ABCC11: variants seen among roughly 807,000 people sequenced by gnomAD.
The protein encoded by ABCC11 is ATP-binding cassette sub-family C member 11.
ABCC11 carries 135 observed loss-of-function variants against 149.3 expected under a neutral mutation model. The observed-to-expected ratio is 0.90, with a 90% CI of 0.79 to 1.04. ABCC11 has a LOEUF of 1.04. Among genes scored for constraint, ABCC11 ranks in the 50% least tolerant of loss-of-function variants. The pLI is 0.00. For missense variants in ABCC11, 1,680 were observed against 1,722.1 expected, an observed-to-expected ratio of 0.98 and a Z score of 0.43; for synonymous variants, 665 against 671.4, an observed-to-expected ratio of 0.99 and a Z score of 0.15.
chr16:48,215,050 A>G, intron 8 of ABCC11, 21 bp from the exon 9 acceptor site: 2 of 1,611,898 alleles, frequency 1.2e-6, no homozygotes, highest in Non-Finnish European at 8.5e-7. Context: ...AAAAAGAAAT[A>G]CACCAAAGAT....
At chr16:48,179,338 T>A (rs1018313401) in intron 23 of ABCC11, among the ~76,000 whole-genome samples, 2 of 152,202 alleles carry the variant, frequency 1.3e-5, no homozygotes, top group African/African-American at 4.8e-5. Flanking sequence ...TTAGGGACTC[T>A]TGGGAATTGG....
At chr16:48,185,619 T>C (rs892705771) in intron 22 of ABCC11, among the ~76,000 whole-genome samples, 2 of 152,202 alleles carry the variant, frequency 1.3e-5, no homozygotes, top group East Asian at 3.9e-4. Context: ...ATTATTGAAA[T>C]TAAATATTCA....
At chr16:48,168,361 C>A (rs1160078172) in intron 28 of ABCC11, among the ~76,000 whole-genome samples, 2 of 152,132 alleles carry the variant, frequency 1.3e-5, no homozygotes, top group African/African-American at 4.8e-5. Flanking sequence ...TTCATCTCTC[C>A]AAAGAAGAGG....
rs1596740690 is a variant in ABCC11 at position 48,199,691 on chromosome 16, T to C, written c.2082+585A>G. On this transcript the variant is annotated intron_variant, in intron 15 of 29. Coordinates refer to ENST00000356608, the MANE Select transcript of ABCC11 (RefSeq NM_001370497.1). Reference sequence around the variant, plus strand: ...TTATTGATTTTTTTTTTTTTTTTTTTTTTTTTTGAGACAGGGTCTTGTTCT... The same window carrying C: ...TTATTGATTTTTTTTTTTTTTTTTTCTTTTTTTGAGACAGGGTCTTGTTCT... Among the ~76,000 whole-genome samples the C allele has an allele frequency of 2.1e-5, 3 of 142,718 alleles. No individual in the cohort carries two copies. The East Asian group carries it at 6.0e-4, about 29-fold the overall frequency. The allele number at this position is 142,718 out of a possible 152,430, so 93.6% of individuals were successfully genotyped here.
intron 2 of ABCC11, 146 bp downstream of exon 2, chr16:48,231,674 AAAG>A (rs199549460): frequency 0.041 from 43,870 of 1,069,104 alleles, 487 homozygotes; most frequent in African/African-American, 0.12. Flanking sequence ...AAAAAAAAAA[AAAG>A]AGAGAGAGAG....
intron 9 of ABCC11, 26 bp downstream of exon 9, chr16:48,214,855 G>T: frequency 6.2e-7 from 1 of 1,613,384 alleles, no homozygotes; most frequent in Non-Finnish European, 8.5e-7. Flanking sequence ...ATGATGGGGA[G>T]AAAACAAAGC....
At chr16:48,204,618 G>A (rs1199698374) in intron 13 of ABCC11, among the ~76,000 whole-genome samples, 1 of 152,184 alleles carries the variant, frequency 6.6e-6, no homozygotes, top group Non-Finnish European at 1.5e-5. Context: ...GGGTGCTCAT[G>A]AGTTGGTATT....
chr16:48,182,701 T>C (rs1966518141), intron 23 of ABCC11, among the ~76,000 whole-genome samples: 1 of 150,152 alleles, frequency 6.7e-6, no homozygotes, highest in African/African-American at 2.5e-5. Flanking sequence ...GAGAATGGCA[T>C]GAACCCAGGG....
intron 23 of ABCC11, 29 bp from the exon 24 acceptor site, chr16:48,178,715 A>C (rs754813683): frequency 3.1e-6 from 5 of 1,604,414 alleles, no homozygotes; most frequent in Non-Finnish European, 4.3e-6. Flanking sequence ...ATCGGGGGTC[A>C]AGAGGCTGCT....
At chr16:48,215,478 A>G in intron 7 of ABCC11, 134 bp from the exon 8 acceptor site, 2 of 1,045,208 alleles carry the variant, frequency 1.9e-6, no homozygotes, top group Non-Finnish European at 2.7e-6. Context: ...AAAGCTCTCC[A>G]GGCCACTATG....
intron 7 of ABCC11, among the ~76,000 whole-genome samples, chr16:48,215,887 T>C (rs558101516): frequency 2.6e-5 from 4 of 152,346 alleles, no homozygotes; most frequent in East Asian, 3.9e-4. Context: ...TAATCTCCCA[T>C]AGAAAGCTAC....
intron 6 of ABCC11, among the ~76,000 whole-genome samples, chr16:48,219,633 G>A (rs573564287): frequency 1.5e-3 from 221 of 152,240 alleles, no homozygotes; most frequent in African/African-American, 5.0e-3. Context: ...TTTAGTGCAA[G>A]AGAAAGGACA....
chr16:48,193,740 TTC>T (rs1346778716), intron 19 of ABCC11, 137 bp downstream of exon 19: 3 of 663,962 alleles, frequency 4.5e-6, no homozygotes, highest in Non-Finnish European at 7.4e-6. Flanking sequence ...CTCCCCACGG[TTC>T]TCTCTGGAAC....
In ABCC11 at chr16:48,197,976, T is replaced by C; in HGVS notation, c.2309A>G (p.Asn770Ser). ...CCTATCTCCCACACCATTACCAGCA[T>C]TTCCGTTGAGAGACTCTTCCAGGGA... Reference protein sequence around the residue: ...ATSLEESLNGNAVPEHQLTQE... With the variant: ...ATSLEESLNGSAVPEHQLTQE... The change falls in exon 17 of 30, where the codon AAT becomes AGT. Residue 770 changes from asparagine (N) to serine (S), a missense_variant. Coordinates refer to ENST00000356608, the MANE Select transcript of ABCC11 (RefSeq NM_001370497.1). The C allele has an allele frequency of 6.2e-7, 1 of 1,614,040 alleles. No homozygotes were observed. Among genetic ancestry groups the C allele is most frequent in the South Asian group, 1.1e-5 (1 of 91,074 alleles).
chr16:48,224,563 A>AGT, intron 4 of ABCC11, 134 bp from the exon 5 acceptor site: 1 of 949,128 alleles, frequency 1.1e-6, no homozygotes, highest in Non-Finnish European at 1.5e-6. Flanking sequence ...TAATCTTCTG[A>AGT]GTACTCATCC....
chr16:48,193,794 G>GA, intron 19 of ABCC11, 85 bp downstream of exon 19: 1 of 1,120,204 alleles, frequency 8.9e-7, no homozygotes, highest in South Asian at 1.4e-5. Flanking sequence ...GCCATGCTCT[G>GA]GCTCTTGTGG....
intron 1 of ABCC11, among the ~76,000 whole-genome samples, chr16:48,242,595 A>C (rs1971027103): frequency 6.6e-6 from 1 of 152,190 alleles, no homozygotes; most frequent in South Asian, 2.1e-4. Flanking sequence ...ACACACACAC[A>C]CGTATGCTTA....
At position 48,213,455 on chromosome 16, in the gene ABCC11, C is replaced by T; in HGVS notation, c.1344G>A (p.Val448=). Residue 448 remains valine, a synonymous_variant, in exon 10 of 30, where the codon GTG becomes GTA. Coordinates refer to ENST00000356608, the MANE Select transcript of ABCC11 (RefSeq NM_001370497.1). ...VKGLTNSKSA[V]MRFKKFFLQE... ...CCTGATGACCTACCTTGAACCTCAT[C>T]ACTGCAGACTTGGAATTCGTGAGAC... 6.2e-7 allele frequency: 1 copy of T among 1,612,260 alleles called. No homozygotes were observed. Among genetic ancestry groups the T allele is most frequent in the Non-Finnish European group, 8.5e-7 (1 of 1,179,138 alleles).
At chr16:48,181,748 C>CTA (rs1228941000) in intron 23 of ABCC11, among the ~76,000 whole-genome samples, 1 of 152,116 alleles carries the variant, frequency 6.6e-6, no homozygotes, top group Non-Finnish European at 1.5e-5. Flanking sequence ...GTAGCTGGGA[C>CTA]TATAGGCACC....
Sources: gnomAD v4.1 joint callset for allele counts (sites outside exome capture counted in the v4.1 genomes callset) on GRCh38, gnomAD v4.1.1 for gene constraint, MANE v1.5 for transcripts, NCBI Gene and HGNC (gene_info 2026-07-23, HGNC 2026-07-21) for gene names.